The following ELMO1 variants were observed in gnomAD, a reference collection of about 807,000 sequenced individuals.
The protein encoded by ELMO1 is engulfment and cell motility 1.
ELMO1 carries 26 observed loss-of-function variants against 98.9 expected under a neutral mutation model. That is an observed-to-expected ratio of 0.26 (90% confidence interval 0.19 to 0.36). The LOEUF is 0.36. ELMO1 is among the 10% of genes least tolerant of loss of function. ELMO1 has a pLI of 1.00. For synonymous variants in ELMO1, 346 were observed against 346.0 expected (o/e 1.00, Z 0.00); for missense variants, 627 against 935.2 (o/e 0.67, Z 4.30).
chr7:36,886,188 C>T (rs1467482364), intron 18 of ELMO1, among the ~76,000 whole-genome samples: 2 of 152,182 alleles, frequency 1.3e-5, no homozygotes, highest in Non-Finnish European at 2.9e-5. Flanking sequence ...ACTGGTCTCA[C>T]TAATAGGAGG....
chr7:37,384,911 C>T (rs908135531), intron 1 of ELMO1, among the ~76,000 whole-genome samples: 10 of 152,298 alleles, frequency 6.6e-5, no homozygotes, highest in African/African-American at 1.7e-4. Context: ...TTCGTTTGAG[C>T]TTGTGACCAT....
chr7:37,202,271 C>G (rs768258647), intron 13 of ELMO1, among the ~76,000 whole-genome samples: 9 of 152,204 alleles, frequency 5.9e-5, no homozygotes, highest in Non-Finnish European at 1.3e-4. Context: ...ATTCGATTGA[C>G]AAAAACCTGC....
At chr7:37,095,606 C>T (rs189764127) in intron 15 of ELMO1, among the ~76,000 whole-genome samples, 11 of 152,330 alleles carry the variant, frequency 7.2e-5, no homozygotes, top group Admixed American at 6.5e-4. Flanking sequence ...ACTTGGCCAA[C>T]CAGGCTCAAT....
intron 13 of ELMO1, among the ~76,000 whole-genome samples, chr7:37,155,261 A>G (rs556027334): frequency 6.5e-4 from 99 of 152,338 alleles, no homozygotes; most frequent in African/African-American, 2.2e-3. Context: ...TAATGGGCGA[A>G]ATAACCAGCT....
intron 1 of ELMO1, among the ~76,000 whole-genome samples, chr7:37,394,613 G>C (rs1803215332): frequency 6.6e-6 from 1 of 152,216 alleles, no homozygotes; most frequent in Non-Finnish European, 1.5e-5. Flanking sequence ...CCAGAGCAGA[G>C]AGGCTGATGA....
At chr7:37,005,107 C>CAAAAAAAA (rs35665315) in intron 16 of ELMO1, among the ~76,000 whole-genome samples, 690 of 36,642 alleles carry the variant, frequency 0.019, no homozygotes, top group Middle Eastern at 0.056. Context: ...GGCTCTGTCT[C>CAAAAAAAA]AAAAAAAAAA....
chr7:37,351,989 G>A lies in ELMO1; in HGVS notation c.-73-9226C>T, dbSNP rs1471237591. On this transcript the variant is annotated intron_variant, in intron 1 of 21. Coordinates refer to ENST00000310758, the MANE Select transcript of ELMO1 (RefSeq NM_014800.11). ...ACTCCAGCATTTCCCACACAGCACC[G>A]CTTCTCTGAGTTATTTATAAATGCA... 2.6e-5 allele frequency among the ~76,000 whole-genome samples: 4 copies of A among 152,110 alleles called. 1 individual carries two copies. Among genetic ancestry groups the A allele is most frequent in the Admixed American group, 6.5e-5 (1 of 15,276 alleles).
intron 13 of ELMO1, among the ~76,000 whole-genome samples, chr7:37,162,953 A>C (rs1789332604): frequency 6.6e-6 from 1 of 152,344 alleles, no homozygotes; most frequent in Non-Finnish European, 1.5e-5. Context: ...TCTCCTGAAT[A>C]AATAATCCTT....
At chr7:37,058,238 G>C (rs1796490794) in intron 15 of ELMO1, among the ~76,000 whole-genome samples, 1 of 152,092 alleles carries the variant, frequency 6.6e-6, no homozygotes, top group Non-Finnish European at 1.5e-5. Flanking sequence ...CTGTGGGCTG[G>C]TTTCATATAA....
chr7:37,140,851 AG>A (rs1258746955), intron 13 of ELMO1, among the ~76,000 whole-genome samples: 1 of 152,230 alleles, frequency 6.6e-6, no homozygotes, highest in East Asian at 1.9e-4. Context: ...GACTCCTATA[AG>A]AATGGCTATA....
chr7:37,252,261 C>T (rs183019132), intron 6 of ELMO1, among the ~76,000 whole-genome samples: 1 of 152,090 alleles, frequency 6.6e-6, no homozygotes, highest in Non-Finnish European at 1.5e-5. Context: ...TAAAAAAGAG[C>T]CCATATAATC....
intron 14 of ELMO1, among the ~76,000 whole-genome samples, chr7:37,126,278 C>T (rs774482183): frequency 1.4e-5 from 2 of 140,664 alleles, no homozygotes; most frequent in Non-Finnish European, 3.1e-5. Context: ...CACATGTACC[C>T]TAGAACTTAA....
At chr7:37,399,897 ATG>A (rs1263980249) in intron 1 of ELMO1, among the ~76,000 whole-genome samples, 4 of 152,200 alleles carry the variant, frequency 2.6e-5, no homozygotes, top group African/African-American at 4.8e-5. Context: ...ACAACTTGAA[ATG>A]TGCAAATTAT....
chr7:37,096,525 G>T, intron 15 of ELMO1, 94 bp downstream of exon 15: 1 of 1,024,266 alleles, frequency 9.8e-7, no homozygotes, highest in African/African-American at 1.6e-5. Context: ...AGAAGCTGTC[G>T]GCATCTTGGG....
At position 36,890,907 on chromosome 7, in the gene ELMO1, C is replaced by T. The variant is rs115349051; in HGVS notation, c.1602-3235G>A. The stretch of plus-strand genomic sequence containing the variant: ...CTCCCCCTCAGTTATTCTGCTCCAG[C>T]ACACTGGCCTCCTCTTTATTCACTA... On this transcript the variant is annotated intron_variant, in intron 17 of 21. Coordinates refer to ENST00000310758, the MANE Select transcript of ELMO1 (RefSeq NM_014800.11). 2.8e-3 allele frequency among the ~76,000 whole-genome samples: 433 copies of T among 152,322 alleles called. 2 individuals are homozygous for T. The highest frequency in any genetic ancestry group is 0.01 in the African/African-American group (420 of 41,580).
chr7:36,998,875 T>C (rs1342317246), intron 16 of ELMO1, among the ~76,000 whole-genome samples: 1 of 152,020 alleles, frequency 6.6e-6, no homozygotes. Context: ...ACTGAGGCAA[T>C]GACTTCAGAA....
chr7:37,123,653 C>A (rs1450343154), intron 14 of ELMO1, among the ~76,000 whole-genome samples: 1 of 152,100 alleles, frequency 6.6e-6, no homozygotes, highest in Non-Finnish European at 1.5e-5. Context: ...TAATAGCTTA[C>A]CAACCAAAAA....
chr7:37,182,543 C>T (rs1250813567), intron 13 of ELMO1, among the ~76,000 whole-genome samples: 12 of 141,812 alleles, frequency 8.5e-5, no homozygotes, highest in Admixed American at 6.9e-4. Context: ...CGATCGGTCT[C>T]GCTCTCCTTC....
chr7:37,173,564 C>T (rs1388049072), intron 13 of ELMO1, among the ~76,000 whole-genome samples: 2 of 152,202 alleles, frequency 1.3e-5, no homozygotes, highest in African/African-American at 2.4e-5. Flanking sequence ...GAGTGAATAA[C>T]TAAATAAGTG....
Sources: allele counts gnomAD v4.1 joint callset (sites outside exome capture counted in the v4.1 genomes callset), GRCh38; gene constraint gnomAD v4.1.1; transcripts MANE v1.5; gene names NCBI Gene and HGNC (gene_info 2026-07-23, HGNC 2026-07-21).